Variants in TMEM38B observed in about 807,000 individuals in gnomAD.
TMEM38B encodes the protein transmembrane protein 38B.
A neutral mutation model predicts 28.7 loss-of-function variants in TMEM38B; 24 were observed. The observed-to-expected ratio is 0.84, with a 90% CI of 0.61 to 1.18. The LOEUF is 1.18. Ranked by LOEUF, TMEM38B falls within the 50% of genes most tolerant of loss-of-function variation. TMEM38B has a pLI of 0.00. For synonymous variants in TMEM38B, 131 were observed against 127.7 expected, an observed-to-expected ratio of 1.03 and a Z score of -0.17; for missense variants, 380 against 350.9, an observed-to-expected ratio of 1.08 and a Z score of -0.66.
At chr9:105,744,331 TGAG>T (rs1216471626) in intron 4 of TMEM38B, among the ~76,000 whole-genome samples, 1 of 151,992 alleles carries the variant, frequency 6.6e-6, no homozygotes, top group Non-Finnish European at 1.5e-5. Flanking sequence ...CAGTTGAATA[TGAG>T]GAGTATATAG....
chr9:105,749,078 T>C (rs760268697), intron 5 of TMEM38B: 1 of 1,303,614 alleles, frequency 7.7e-7, no homozygotes, highest in Non-Finnish European at 1.0e-6. Flanking sequence ...TTCAGTAGTC[T>C]CTGAATTGGA....
chr9:105,754,829 T>C (rs1404222950), intron 5 of TMEM38B, among the ~76,000 whole-genome samples: 1 of 151,894 alleles, frequency 6.6e-6, no homozygotes, highest in African/African-American at 2.4e-5. Flanking sequence ...AATCAACAAA[T>C]CCATGAGCTG....
intron 4 of TMEM38B, among the ~76,000 whole-genome samples, chr9:105,725,714 ATG>A (rs899030002): frequency 2.6e-5 from 4 of 152,086 alleles, no homozygotes; most frequent in African/African-American, 9.7e-5. Context: ...AAGAGAAAAG[ATG>A]TGGTAAAAAT....
intron 4 of TMEM38B, among the ~76,000 whole-genome samples, chr9:105,733,862 G>C (rs1265451741): frequency 2.6e-5 from 4 of 151,820 alleles, no homozygotes; most frequent in Admixed American, 2.6e-4. Flanking sequence ...CTTTTTTGCT[G>C]AGCGTAGCTA....
intron 4 of TMEM38B, among the ~76,000 whole-genome samples, chr9:105,745,296 G>A (rs913073149): frequency 1.3e-5 from 2 of 152,132 alleles, no homozygotes; most frequent in Non-Finnish European, 2.9e-5. Context: ...GTGTGAGATG[G>A]TATCTCATTG....
Position 105,775,308 on chromosome 9 carries a change from AAAAC to A in TMEM38B, c.*1235_*1238del, listed in dbSNP as rs1053227225. On this transcript the variant is annotated 3_prime_UTR_variant, in exon 6 of 6. Transcript: ENST00000374692. The stretch of plus-strand genomic sequence containing the variant: ...ATCTGGTTCCTTCTTAGCAAAATAA[AAAAC>A]AAACAAGAAAAGATACTAAATGATG... 5.6e-4 allele frequency: 85 copies of A among 152,220 alleles called. No individual in the cohort carries two copies. The highest frequency in any genetic ancestry group is 1.9e-3 in the African/African-American group (81 of 41,570). The allele number at this position is 152,220 out of a possible 1,614,324, so 9.4% of individuals were successfully genotyped here.
chr9:105,747,254 G>T (rs1295870194), intron 4 of TMEM38B, among the ~76,000 whole-genome samples: 4 of 152,248 alleles, frequency 2.6e-5, no homozygotes, highest in Admixed American at 2.0e-4. Context: ...CAATTTCAGA[G>T]CCTGTTATTG....
At chr9:105,743,921 AT>A (rs1837294991) in intron 4 of TMEM38B, among the ~76,000 whole-genome samples, 1 of 152,216 alleles carries the variant, frequency 6.6e-6, no homozygotes, top group East Asian at 1.9e-4. Flanking sequence ...TGTTTCAGAA[AT>A]ATTGTGTATA....
At chr9:105,747,210 C>T (rs1049983722) in intron 4 of TMEM38B, among the ~76,000 whole-genome samples, 29 of 151,828 alleles carry the variant, frequency 1.9e-4, no homozygotes, top group African/African-American at 7.0e-4. Flanking sequence ...TGGTCCTGGA[C>T]TTTTTTTGGT....
chr9:105,753,443 A>C (rs1588459802), intron 5 of TMEM38B, among the ~76,000 whole-genome samples: 1 of 152,130 alleles, frequency 6.6e-6, no homozygotes, highest in African/African-American at 2.4e-5. Context: ...TCAAAGGGAA[A>C]CCCAGCAGAC....
At position 105,776,123 on chromosome 9, in the gene TMEM38B, G is replaced by A. The variant is rs1826712911; in HGVS notation, c.*2043G>A. On this transcript the variant is annotated 3_prime_UTR_variant, in exon 6 of 6. Transcript: ENST00000374692. ...CTTACCCAATGTGAAGTGTGAATAA[G>A]GCCTATAGGCCTGCCTCACACAGCT... 6.6e-6 allele frequency: 1 copy of A among 151,994 alleles called. No homozygotes were observed. Among genetic ancestry groups the A allele is most frequent in the South Asian group, 2.1e-4 (1 of 4,834 alleles). 9.4% of individuals were successfully genotyped at this position (151,994 alleles called of 1,614,324 possible). A position where few individuals can be genotyped will look rare whatever the true frequency, so the allele number is the denominator to read the frequency against.
chr9:105,704,910 C>G (rs928525447), intron 1 of TMEM38B, among the ~76,000 whole-genome samples: 1 of 150,114 alleles, frequency 6.7e-6, no homozygotes, highest in Admixed American at 6.6e-5. Flanking sequence ...GGGAACAGAG[C>G]AAGACTCTAT....
At chr9:105,714,670 A>G (rs1836031032) in intron 2 of TMEM38B, among the ~76,000 whole-genome samples, 1 of 152,226 alleles carries the variant, frequency 6.6e-6, no homozygotes, top group Admixed American at 6.5e-5. Context: ...TCGAAGCTCA[A>G]ATTATCCCAT....
intron 2 of TMEM38B, among the ~76,000 whole-genome samples, chr9:105,707,196 G>A (rs1835703580): frequency 6.6e-6 from 1 of 152,164 alleles, no homozygotes; most frequent in Admixed American, 6.5e-5. Context: ...ATAAAATCAT[G>A]TATGTGACCA....
chr9:105,752,987 G>A (rs1322868931), intron 5 of TMEM38B, among the ~76,000 whole-genome samples: 3 of 152,188 alleles, frequency 2.0e-5, no homozygotes, highest in Non-Finnish European at 4.4e-5. Flanking sequence ...TGACCTGATG[G>A]AACTGGAAAA....
At chr9:105,753,636 A>G (rs1316207142) in intron 5 of TMEM38B, among the ~76,000 whole-genome samples, 1 of 152,234 alleles carries the variant, frequency 6.6e-6, no homozygotes, top group African/African-American at 2.4e-5. Context: ...CATGACCACC[A>G]GGCCTGCTTT....
At position 105,710,510 on chromosome 9, in the gene TMEM38B, C is replaced by T. The variant is rs779484546; in HGVS notation, c.269+4757C>T. ...GGCTTTCATCTGATTTGGTGTCTTC[C>T]GATCCCCCTGGGCAAACTGTATTTC... is the stretch of plus-strand genomic sequence containing the variant. On this transcript the variant is annotated intron_variant, in intron 2 of 5. Transcript: ENST00000374692. 2.2e-4 allele frequency: 277 copies of T among 1,270,248 alleles called. 1 individual carries two copies. The highest frequency in any genetic ancestry group is 2.8e-4 in the Non-Finnish European group (243 of 870,148). The allele number at this position is 1,270,248 out of a possible 1,614,324, so 78.7% of individuals were successfully genotyped here. A position where few individuals can be genotyped will look rare whatever the true frequency, so the allele number is the denominator to read the frequency against.
At chr9:105,743,087 A>G (rs1837262583) in intron 4 of TMEM38B, among the ~76,000 whole-genome samples, 1 of 152,176 alleles carries the variant, frequency 6.6e-6, no homozygotes, top group Admixed American at 6.6e-5. Context: ...GAAAAAAACA[A>G]AGAAGAAGAA....
chr9:105,723,413 T>A (rs888512171), intron 4 of TMEM38B, among the ~76,000 whole-genome samples: 1 of 151,652 alleles, frequency 6.6e-6, no homozygotes, highest in African/African-American at 2.4e-5. Flanking sequence ...ATTGTATTTT[T>A]TTTTTTTTTT....
Sources: gnomAD v4.1 joint callset for allele counts (sites outside exome capture counted in the v4.1 genomes callset) on GRCh38, gnomAD v4.1.1 for gene constraint, MANE v1.5 for transcripts, NCBI Gene and HGNC (gene_info 2026-07-23, HGNC 2026-07-21) for gene names.